The following CAMK1D variants were observed in gnomAD, a reference collection of about 807,000 sequenced individuals.
CAMK1D encodes calcium/calmodulin dependent protein kinase ID, also known as calcium/calmodulin-dependent protein kinase type 1D.
CAMK1D carries 9 observed loss-of-function variants against 47.7 expected under a neutral mutation model. That is an observed-to-expected ratio of 0.19 (90% CI 0.11 to 0.33). The LOEUF is 0.33. Among genes scored for constraint, CAMK1D ranks in the 10% least tolerant of loss-of-function variants. The pLI is 1.00. For missense variants in CAMK1D, 291 were observed against 488.7 expected (o/e 0.60, Z 3.81); for synonymous variants, 184 against 184.9 (o/e 0.99, Z 0.04).
At chr10:12,626,639 A>G (rs1169536332) in intron 2 of CAMK1D, among the ~76,000 whole-genome samples, 1 of 151,946 alleles carries the variant, frequency 6.6e-6, no homozygotes, top group Non-Finnish European at 1.5e-5. Context: ...ACATCTGGCT[A>G]ATTTTTTGTA....
intron 1 of CAMK1D, among the ~76,000 whole-genome samples, chr10:12,362,587 T>C (rs1193686324): frequency 2.0e-5 from 3 of 152,190 alleles, no homozygotes; most frequent in Admixed American, 6.5e-5. Context: ...AAGCTCCGCC[T>C]CCCGGGTTCC....
intron 3 of CAMK1D, among the ~76,000 whole-genome samples, chr10:12,743,346 C>CAAAAAAAAAAA (rs199673328): frequency 1.9e-4 from 18 of 92,372 alleles, no homozygotes; most frequent in African/African-American, 9.7e-4. Flanking sequence ...GACCCTGTCT[C>CAAAAAAAAAAA]AAAAAAAAAA....
In CAMK1D at chr10:12,681,922, T is replaced by A. The variant is rs540968646; in HGVS notation, c.299+15112T>A. On this transcript the variant is annotated intron_variant, in intron 3 of 10. Transcript: ENST00000619168. ...AATTAAATGATGAGAGCTTAAATGA[T>A]GTATAAGAGTTAGTTGGCTGGGTGC... is the stretch of plus-strand genomic sequence containing the variant. Among the ~76,000 whole-genome samples, 8 of 152,290 alleles carry A rather than the reference T, an allele frequency of 5.3e-5. No individual in the cohort carries two copies. In the East Asian group the frequency reaches 1.5e-3, roughly 29 times the overall value.
chr10:12,825,644 A>G lies in CAMK1D; in HGVS notation c.993A>G (p.Ser331=). The change falls in exon 10 of 11, where the codon TCA becomes TCG. Residue 331 remains serine (S), a synonymous_variant. Transcript: ENST00000619168. ...KLHLGSSLDS[S]NASVSSSLSL... ...ACCTCGGCAGCAGCCTGGACAGTTCAAATGCAAGTGTTTCGAGCAGCCTCA... is the reference window on the plus strand; with the variant it reads ...ACCTCGGCAGCAGCCTGGACAGTTCGAATGCAAGTGTTTCGAGCAGCCTCA... 6.2e-7 allele frequency: 1 copy of G among 1,614,256 alleles called. No homozygotes were observed. Among genetic ancestry groups the G allele is most frequent in the Non-Finnish European group, 8.5e-7 (1 of 1,180,050 alleles).
intron 1 of CAMK1D, among the ~76,000 whole-genome samples, chr10:12,393,426 C>G (rs1377497394): frequency 6.6e-6 from 1 of 152,160 alleles, no homozygotes; most frequent in Non-Finnish European, 1.5e-5. Context: ...ACATTTCACT[C>G]AAGGAACTCA....
intron 1 of CAMK1D, among the ~76,000 whole-genome samples, chr10:12,494,065 T>G (rs1834465734): frequency 6.6e-6 from 1 of 152,140 alleles, no homozygotes; most frequent in Non-Finnish European, 1.5e-5. Flanking sequence ...ATCTCTTGAG[T>G]GCAGTGCTGG....
intron 1 of CAMK1D, among the ~76,000 whole-genome samples, chr10:12,363,567 T>C (rs903422105): frequency 1.3e-5 from 2 of 152,052 alleles, no homozygotes; most frequent in African/African-American, 4.8e-5. Flanking sequence ...CAATACAATG[T>C]AAATGTTATG....
In CAMK1D at chr10:12,493,087, C is replaced by T. The variant is rs377060387; in HGVS notation, c.93-60138C>T. 4.8e-4 allele frequency among the ~76,000 whole-genome samples: 73 copies of T among 152,266 alleles called. No individual in the cohort carries two copies. The South Asian group carries it at 5.0e-3, about 10-fold the overall frequency. On this transcript the variant is annotated intron_variant, in intron 1 of 10. Coordinates refer to ENST00000619168, the MANE Select transcript of CAMK1D (RefSeq NM_153498.4). The stretch of plus-strand genomic sequence containing the variant: ...TCTTGTTGATAACAGGGCATTGTGG[C>T]ATGTTTACTGAGCCAAGTAGGCAAA...
chr10:12,786,162 T>G (rs368028881), intron 5 of CAMK1D, among the ~76,000 whole-genome samples: 3 of 152,220 alleles, frequency 2.0e-5, no homozygotes, highest in East Asian at 3.8e-4. Flanking sequence ...TGTGTGCCAT[T>G]ATGCAATTTT....
intron 1 of CAMK1D, among the ~76,000 whole-genome samples, chr10:12,439,906 A>C (rs1034740959): frequency 2.5e-4 from 38 of 152,318 alleles, no homozygotes; most frequent in East Asian, 7.7e-4. Context: ...GCGGCAGGCA[A>C]GAGAGAGAAT....
intron 5 of CAMK1D, among the ~76,000 whole-genome samples, chr10:12,782,539 G>C (rs921405670): frequency 6.6e-6 from 1 of 152,216 alleles, no homozygotes; most frequent in African/African-American, 2.4e-5. Context: ...CACTGTTTGA[G>C]AGAAATCTTC....
Position 12,522,844 on chromosome 10 carries a change from C to T in CAMK1D, c.93-30381C>T, listed in dbSNP as rs369466358. On this transcript the variant is annotated intron_variant, in intron 1 of 10. Transcript: ENST00000619168. ...GCGGAGGCGCCCCCCACCTCCCTCC[C>T]GGACAGGGCGGCTGGCCGGGCGGGG... Among the ~76,000 whole-genome samples the T allele has an allele frequency of 1.5e-4, 15 of 96,950 alleles. No homozygotes were observed. The East Asian group carries it at 2.0e-3, about 13-fold the overall frequency. The allele number at this position is 96,950 out of a possible 152,430, so 63.6% of individuals were successfully genotyped here. A position where few individuals can be genotyped will look rare whatever the true frequency, so the allele number is the denominator to read the frequency against.
At chr10:12,451,853 G>A (rs1833092220) in intron 1 of CAMK1D, among the ~76,000 whole-genome samples, 1 of 152,130 alleles carries the variant, frequency 6.6e-6, no homozygotes, top group Admixed American at 6.6e-5. Context: ...TTCCCTGGGG[G>A]ATGTCCATGT....
intron 1 of CAMK1D, among the ~76,000 whole-genome samples, chr10:12,522,201 C>T (rs200416611): frequency 0.046 from 1,724 of 37,626 alleles, 127 homozygotes; most frequent in Middle Eastern, 0.11. Flanking sequence ...CTTTTTTTTT[C>T]TTTTTTTTTT....
At chr10:12,511,343 G>A (rs1835032943) in intron 1 of CAMK1D, among the ~76,000 whole-genome samples, 1 of 152,170 alleles carries the variant, frequency 6.6e-6, no homozygotes, top group Admixed American at 6.5e-5. Flanking sequence ...GCTTATGCCT[G>A]GAATCCCAGC....
At chr10:12,605,368 A>G (rs9664626) in intron 2 of CAMK1D, among the ~76,000 whole-genome samples, 23,320 of 77,504 alleles carry the variant, frequency 0.3, 2,422 homozygotes, top group African/African-American at 0.41. Flanking sequence ...GTGTGTGTGT[A>G]TGTGTGTCAA....
At chr10:12,692,566 C>A (rs971922181) in intron 3 of CAMK1D, among the ~76,000 whole-genome samples, 2 of 151,968 alleles carry the variant, frequency 1.3e-5, no homozygotes, top group Admixed American at 1.3e-4. Context: ...AATTGAGAAG[C>A]CATAAACAAT....
chr10:12,520,025 A>G (rs1257214063), intron 1 of CAMK1D, among the ~76,000 whole-genome samples: 1 of 48,802 alleles, frequency 2.0e-5, no homozygotes. Flanking sequence ...CGGGCAGAGG[A>G]GCCCCTCACC....
intron 1 of CAMK1D, among the ~76,000 whole-genome samples, chr10:12,513,419 G>A (rs958050941): frequency 4.6e-5 from 7 of 152,178 alleles, no homozygotes; most frequent in African/African-American, 1.7e-4. Flanking sequence ...CATACAATGT[G>A]CAGTGGGCCT....
Sources: allele counts gnomAD v4.1 joint callset (sites outside exome capture counted in the v4.1 genomes callset), GRCh38; gene constraint gnomAD v4.1.1; transcripts MANE v1.5; gene names NCBI Gene and HGNC (gene_info 2026-07-23, HGNC 2026-07-21).